Variants in DENND1B observed in about 807,000 individuals in gnomAD.
DENND1B encodes DENN domain-containing protein 1B.
In DENND1B, 59 loss-of-function variants were observed where a neutral mutation model predicts 90.1. That is an observed-to-expected ratio of 0.65 (90% CI 0.53 to 0.81). The LOEUF is 0.81. Ranked by LOEUF, DENND1B falls within the 40% of genes least tolerant of loss-of-function variation. DENND1B has a pLI of 0.00. For synonymous variants in DENND1B, 337 were observed against 324.6 expected (o/e 1.04, Z -0.41); for missense variants, 862 against 912.6 (o/e 0.94, Z 0.71).
intron 13 of DENND1B, among the ~76,000 whole-genome samples, chr1:197,601,726 A>G (rs1228209790): frequency 2.6e-5 from 4 of 151,676 alleles, no homozygotes; most frequent in Non-Finnish European, 4.4e-5. Context: ...GGGTATTACC[A>G]AAGCCTGGAT....
chr1:197,751,958 G>C (rs1471422580), intron 2 of DENND1B, among the ~76,000 whole-genome samples: 1 of 120,502 alleles, frequency 8.3e-6, no homozygotes, highest in Admixed American at 8.8e-5. Flanking sequence ...GAGGAGGAAG[G>C]GGGGAGGAGG....
At chr1:197,637,879 A>C (rs1411069357) in intron 10 of DENND1B, among the ~76,000 whole-genome samples, 2 of 152,220 alleles carry the variant, frequency 1.3e-5, no homozygotes, top group Non-Finnish European at 2.9e-5. Context: ...AGGAAGCAGG[A>C]CTACGTAATC....
intron 16 of DENND1B, 128 bp from the exon 17 acceptor site, chr1:197,546,901 G>T: frequency 1.4e-6 from 1 of 698,882 alleles, no homozygotes; most frequent in African/African-American, 1.8e-5. Flanking sequence ...TTGAAAAGTA[G>T]TTCTAATAAA....
At position 197,652,111 on chromosome 1, in the gene DENND1B, T is replaced by C. The variant is rs955867731; in HGVS notation, c.447+124A>G. The C allele has an allele frequency of 2.4e-5, 17 of 702,916 alleles. No individual in the cohort carries two copies. The Admixed American group carries it at 5.2e-4, about 21-fold the overall frequency. 43.5% of individuals were successfully genotyped at this position (702,916 alleles called of 1,614,324 possible). A position where few individuals can be genotyped will look rare whatever the true frequency, so the allele number is the denominator to read the frequency against. On this transcript the variant is annotated intron_variant, in intron 7 of 22. Coordinates refer to ENST00000620048, the MANE Select transcript of DENND1B (RefSeq NM_001195215.2). ...TATTATCACCTTGTTATGTTAGTAC[T>C]AGCAATGAAGTCTTCCTGGAAGCAG...
chr1:197,649,003 A>G (rs866111644), intron 7 of DENND1B, among the ~76,000 whole-genome samples: 1 of 152,210 alleles, frequency 6.6e-6, no homozygotes, highest in Non-Finnish European at 1.5e-5. Context: ...GAAGATGCAA[A>G]CATAAAGCAG....
chr1:197,689,012 T>G (rs1327179336), intron 3 of DENND1B: 5 of 215,376 alleles, frequency 2.3e-5, no homozygotes, highest in Non-Finnish European at 4.0e-5. Context: ...GACCACCAAA[T>G]ACTACTATGT....
At chr1:197,512,999 A>C (rs1173769338) in intron 20 of DENND1B, 46 bp from the exon 21 acceptor site, 6 of 1,511,598 alleles carry the variant, frequency 4.0e-6, no homozygotes, top group Non-Finnish European at 5.4e-6. Context: ...AGTTTAAAAT[A>C]AGTCTCTTTA....
At chr1:197,664,790 T>C (rs547930932) in intron 5 of DENND1B, among the ~76,000 whole-genome samples, 10 of 152,176 alleles carry the variant, frequency 6.6e-5, no homozygotes, top group Non-Finnish European at 1.5e-4. Flanking sequence ...ATTGAAACAT[T>C]CTGCTTCTAA....
At position 197,715,094 on chromosome 1, in the gene DENND1B, A is replaced by T; in HGVS notation, c.83-20T>A. 6.2e-7 allele frequency: 1 copy of T among 1,602,894 alleles called. No individual in the cohort carries two copies. Among genetic ancestry groups the T allele is most frequent in the Non-Finnish European group, 8.5e-7 (1 of 1,172,030 alleles). On this transcript the variant is annotated intron_variant, in intron 2 of 22. Coordinates refer to ENST00000620048, the MANE Select transcript of DENND1B (RefSeq NM_001195215.2). Reference sequence around the variant, plus strand: ...CAGGATCTGTAAATAATTGACATGTATAATTAAACAGCAGCAAAAGAACAC... The same window carrying T: ...CAGGATCTGTAAATAATTGACATGTTTAATTAAACAGCAGCAAAAGAACAC...
intron 16 of DENND1B, among the ~76,000 whole-genome samples, chr1:197,551,141 A>C (rs1197657386): frequency 6.6e-6 from 1 of 151,696 alleles, no homozygotes; most frequent in Non-Finnish European, 1.5e-5. Context: ...TCTTCTAATT[A>C]ATAGTTAGAA....
chr1:197,732,769 C>T (rs1409852157), intron 2 of DENND1B, among the ~76,000 whole-genome samples: 1 of 152,166 alleles, frequency 6.6e-6, no homozygotes. Context: ...ACAGATGACA[C>T]AGTTACTAGC....
intron 12 of DENND1B, among the ~76,000 whole-genome samples, chr1:197,611,502 A>T (rs189853943): frequency 6.6e-6 from 1 of 150,942 alleles, no homozygotes; most frequent in African/African-American, 2.4e-5. Context: ...CCACATTTAA[A>T]ATGTACACAC....
Position 197,510,117 on chromosome 1 carries a change from CA to C in DENND1B, c.*342del. On this transcript the variant is annotated 3_prime_UTR_variant, in exon 23 of 23. Coordinates refer to ENST00000620048, the MANE Select transcript of DENND1B (RefSeq NM_001195215.2). ...ATATCTTGATCAGTTCATGCTCAAC[CA>C]GATTAGTATAGTAGCTACTGGTTAT... The C allele has an allele frequency of 4.8e-6, 1 of 210,250 alleles. No individual in the cohort carries two copies. The highest frequency in any genetic ancestry group is 9.5e-6 in the Non-Finnish European group (1 of 105,162). The allele number at this position is 210,250 out of a possible 1,614,324, so 13.0% of individuals were successfully genotyped here.
In DENND1B at chr1:197,507,424, G is replaced by T. The variant is rs1227880698; in HGVS notation, c.*3036C>A. On this transcript the variant is annotated 3_prime_UTR_variant, in exon 23 of 23. Transcript: ENST00000620048. Reference sequence around the variant, plus strand: ...ACATTAAAGTAGGTAATCATCAAAAGATACCACTTAGTAATATTTTCACTT... The same window carrying T: ...ACATTAAAGTAGGTAATCATCAAAATATACCACTTAGTAATATTTTCACTT... 2 of 151,194 alleles carry T rather than the reference G, an allele frequency of 1.3e-5. No individual in the cohort carries two copies. Among genetic ancestry groups the T allele is most frequent in the Non-Finnish European group, 3.0e-5 (2 of 67,488 alleles). The allele number at this position is 151,194 out of a possible 1,614,324, so 9.4% of individuals were successfully genotyped here. A position where few individuals can be genotyped will look rare whatever the true frequency, so the allele number is the denominator to read the frequency against.
chr1:197,735,589 A>G (rs1472100868), intron 2 of DENND1B: 2 of 1,614,062 alleles, frequency 1.2e-6, no homozygotes, highest in African/African-American at 1.3e-5. Flanking sequence ...GTATTACTCG[A>G]AAATACAGGT....
At chr1:197,780,952 A>G in the DENND1B span, among the ~76,000 whole-genome samples, 1 of 152,160 alleles carries the variant, frequency 6.6e-6, no homozygotes, top group African/African-American at 2.4e-5. Context: ...TTTCCAGTGT[A>G]CTATGACAAT....
chr1:197,514,891 T>G (rs1668291468), intron 20 of DENND1B, among the ~76,000 whole-genome samples: 1 of 151,642 alleles, frequency 6.6e-6, no homozygotes, highest in African/African-American at 2.4e-5. Context: ...CAGCCATTTC[T>G]TCTAAAAAAC....
chr1:197,636,842 T>C (rs1679838943), intron 10 of DENND1B, among the ~76,000 whole-genome samples: 1 of 151,870 alleles, frequency 6.6e-6, no homozygotes. Context: ...AGGATGTAGG[T>C]GGGGAAAACA....
At chr1:197,655,586 C>T (rs372140367) in intron 6 of DENND1B, among the ~76,000 whole-genome samples, 1 of 150,472 alleles carries the variant, frequency 6.6e-6, no homozygotes, top group Admixed American at 6.6e-5. Context: ...GGCTGGAGTG[C>T]GCTGGCGCGA....
Sources: allele counts gnomAD v4.1 joint callset (sites outside exome capture counted in the v4.1 genomes callset), GRCh38; gene constraint gnomAD v4.1.1; transcripts MANE v1.5; gene names NCBI Gene and HGNC (gene_info 2026-07-23, HGNC 2026-07-21).